TPO: variants seen among roughly 807,000 people sequenced by gnomAD.
TPO encodes thyroid microsomal antigen.
A neutral mutation model predicts 96.9 loss-of-function variants in TPO; 78 were observed. The observed-to-expected ratio is 0.81, with a 90% CI of 0.67 to 0.97. The LOEUF (loss-of-function observed/expected upper bound fraction) is 0.97. Ranked by LOEUF, TPO falls within the 50% of genes least tolerant of loss-of-function variation. TPO has a pLI of 0.00. For missense variants in TPO, 1,252 were observed against 1,274.8 expected, an observed-to-expected ratio of 0.98 and a Z score of 0.27; for synonymous variants, 547 against 538.0, an observed-to-expected ratio of 1.02 and a Z score of -0.23.
At chr2:1,503,614 T>C (rs1014297084) in intron 13 of TPO, among the ~76,000 whole-genome samples, 2 of 152,060 alleles carry the variant, frequency 1.3e-5, no homozygotes, top group African/African-American at 4.8e-5. Context: ...CCTGGCCCCT[T>C]CCTGCCCCCG....
intron 15 of TPO, among the ~76,000 whole-genome samples, chr2:1,521,387 C>T (rs1675243579): frequency 6.6e-6 from 1 of 152,116 alleles, no homozygotes; most frequent in African/African-American, 2.4e-5. Flanking sequence ...GGAGGGAGGC[C>T]AGCTGGGACT....
chr2:1,543,109 T>C lies in TPO; in HGVS notation c.*635T>C, dbSNP rs1039274302. 3 of 158,480 alleles carry C rather than the reference T, an allele frequency of 1.9e-5. No homozygotes were observed. Among genetic ancestry groups the C allele is most frequent in the Non-Finnish European group, 4.2e-5 (3 of 71,866 alleles). The allele number at this position is 158,480 out of a possible 1,614,324, so 9.8% of individuals were successfully genotyped here. ...CGCACACTGCTCTTACTCCTCCTTATACCCTCACTCACGGGGAACACAGCC... is the reference window on the plus strand; with the variant it reads ...CGCACACTGCTCTTACTCCTCCTTACACCCTCACTCACGGGGAACACAGCC... On this transcript the variant is annotated 3_prime_UTR_variant, in exon 17 of 17. Coordinates refer to ENST00000329066, the MANE Select transcript of TPO (RefSeq NM_001206744.2).
chr2:1,405,231 A>G (rs1662232156), intron 1 of TPO, among the ~76,000 whole-genome samples: 1 of 149,140 alleles, frequency 6.7e-6, no homozygotes, highest in Non-Finnish European at 1.5e-5. Context: ...CCATCCTTCC[A>G]TTTATCCATC....
intron 7 of TPO, among the ~76,000 whole-genome samples, chr2:1,470,581 C>A (rs1289827540): frequency 5.3e-5 from 8 of 150,818 alleles, no homozygotes. Flanking sequence ...ATATTAAAAA[C>A]TGGGCTTGAT....
Position 1,413,643 on chromosome 2 carries a change from T to TA in TPO, c.-2+99dup. The TA allele has an allele frequency of 4.1e-6, 4 of 984,640 alleles. No homozygotes were observed. In the South Asian group the frequency reaches 1.4e-4, roughly 35 times the overall value. The allele number at this position is 984,640 out of a possible 1,614,324, so 61.0% of individuals were successfully genotyped here. ...AGAGTGGCTGTAATTTGGGCCATTA[T>TA]AGCAGGTATGGGTGGCGTCTCTCAG... On this transcript the variant is annotated intron_variant, in intron 1 of 16. Transcript: ENST00000329066.
At chr2:1,472,796 T>C (rs1406538288) in intron 7 of TPO, among the ~76,000 whole-genome samples, 1 of 144,464 alleles carries the variant, frequency 6.9e-6, no homozygotes, top group Non-Finnish European at 1.5e-5. Context: ...CAGCCTTGTT[T>C]TTTTCTCATT....
At chr2:1,451,952 CA>C (rs1667340142) in intron 5 of TPO, among the ~76,000 whole-genome samples, 3 of 151,990 alleles carry the variant, frequency 2.0e-5, no homozygotes, top group Non-Finnish European at 4.4e-5. Context: ...ATAAGTTTTA[CA>C]TATTTCTTTA....
At chr2:1,503,629 C>A in intron 13 of TPO, 1 of 488,466 alleles carries the variant, frequency 2.0e-6, no homozygotes. Flanking sequence ...CCCCCGTGTC[C>A]TGCACTTGGC....
chr2:1,466,448 T>C (rs1014112423), intron 7 of TPO, among the ~76,000 whole-genome samples: 2 of 152,178 alleles, frequency 1.3e-5, no homozygotes, highest in African/African-American at 2.4e-5. Flanking sequence ...TCTTGTGGAG[T>C]AGTGTCAATA....
At chr2:1,527,269 T>A (rs1208914694) in intron 15 of TPO, among the ~76,000 whole-genome samples, 1 of 112,992 alleles carries the variant, frequency 8.9e-6, no homozygotes, top group Non-Finnish European at 1.7e-5. Flanking sequence ...ACCCCCACTG[T>A]GAGCAACCTC....
intron 15 of TPO, among the ~76,000 whole-genome samples, chr2:1,529,362 C>T (rs377485279): frequency 1.0e-5 from 1 of 96,980 alleles, no homozygotes; most frequent in Admixed American, 1.1e-4. Flanking sequence ...CCCCAAATCC[C>T]CCCACTATGT....
At position 1,542,563 on chromosome 2, in the gene TPO, G is replaced by C; in HGVS notation, c.*89G>C. 6.3e-7 allele frequency: 1 copy of C among 1,586,040 alleles called. No individual in the cohort carries two copies. Among genetic ancestry groups the C allele is most frequent in the Non-Finnish European group, 8.6e-7 (1 of 1,165,346 alleles). ...CCAAACACAGGCAAATCCGAAATCA[G>C]CAGGACGACTGTTTTCCCAACACGG... On this transcript the variant is annotated 3_prime_UTR_variant, in exon 17 of 17. Transcript: ENST00000329066.
intron 5 of TPO, among the ~76,000 whole-genome samples, chr2:1,449,225 T>C (rs1052359532): frequency 4.1e-4 from 63 of 152,378 alleles, no homozygotes; most frequent in African/African-American, 1.5e-3. Flanking sequence ...TATCATTCTC[T>C]ATAGTCATTT....
chr2:1,523,475 CACTCTATGCAAACTCCCCAAATCCCCCCG>C (rs1675662487), intron 15 of TPO, among the ~76,000 whole-genome samples: 2 of 141,382 alleles, frequency 1.4e-5, no homozygotes, highest in Non-Finnish European at 3.1e-5. Context: ...AGTTCCCTCC[CACTCTATGCAAACTCCCCAAATCCCCCCG>C]ACTCTATGCA....
intron 9 of TPO, among the ~76,000 whole-genome samples, chr2:1,485,080 G>T (rs768654368): frequency 6.6e-6 from 1 of 150,672 alleles, no homozygotes; most frequent in Admixed American, 6.6e-5. Flanking sequence ...ACGACAGACG[G>T]GATATGATGA....
intron 16 of TPO, chr2:1,542,130 G>GT (rs1680831310): frequency 1.8e-6 from 1 of 543,428 alleles, no homozygotes; most frequent in Non-Finnish European, 3.3e-6. Context: ...GCAGGGACCT[G>GT]TGTGCTCAGC....
intron 1 of TPO, among the ~76,000 whole-genome samples, chr2:1,402,962 A>G (rs1000276135): frequency 6.6e-6 from 1 of 152,202 alleles, no homozygotes; most frequent in African/African-American, 2.4e-5. Flanking sequence ...CATTTCCGGC[A>G]TCCTCATTGG....
intron 15 of TPO, among the ~76,000 whole-genome samples, chr2:1,517,854 C>G (rs1304369172): frequency 6.6e-6 from 1 of 152,166 alleles, no homozygotes; most frequent in South Asian, 2.1e-4. Flanking sequence ...CATTGCAGGC[C>G]CAGGCTGGGC....
intron 5 of TPO, among the ~76,000 whole-genome samples, chr2:1,443,046 G>A (rs946134562): frequency 6.6e-6 from 1 of 152,110 alleles, no homozygotes; most frequent in Non-Finnish European, 1.5e-5. Context: ...GACCAGCCTG[G>A]GCAACAAAGC....
Sources: gnomAD v4.1 joint callset for allele counts (sites outside exome capture counted in the v4.1 genomes callset) on GRCh38, gnomAD v4.1.1 for gene constraint, MANE v1.5 for transcripts, NCBI Gene and HGNC (gene_info 2026-07-23, HGNC 2026-07-21) for gene names.